DIAPH2: variants seen among roughly 807,000 people sequenced by gnomAD.
DIAPH2 encodes the protein diaphanous related formin 2.
A neutral mutation model predicts 92.7 loss-of-function variants in DIAPH2; 35 were observed. The observed-to-expected ratio is 0.38, with a 90% CI of 0.29 to 0.50. DIAPH2 has a LOEUF of 0.50. Ranked by LOEUF, DIAPH2 falls within the 20% of genes least tolerant of loss-of-function variation. The pLI is 0.94. For synonymous variants in DIAPH2, 301 were observed against 280.4 expected (o/e 1.07, Z -0.73); for missense variants, 701 against 819.5 (o/e 0.86, Z 1.77).
intron 19 of DIAPH2, among the ~76,000 whole-genome samples, chrX:97,095,113 T>C (rs1387364050): frequency 5.1e-5 from 3 of 59,303 alleles, no homozygotes; most frequent in Admixed American, 2.3e-4. Context: ...TTTTTTTTTT[T>C]TTTTTTTTTT....
chrX:97,291,418 T>C (rs1253765622), intron 23 of DIAPH2, among the ~76,000 whole-genome samples: 2 of 111,427 alleles, frequency 1.8e-5, no homozygotes, highest in African/African-American at 6.5e-5. Flanking sequence ...AAAAATAAAT[T>C]TTAAAAAGCT....
chrX:97,337,909 G>A lies in DIAPH2; in HGVS notation c.2845-10207G>A, dbSNP rs185840056. On this transcript the variant is annotated intron_variant, in intron 23 of 26. Transcript: ENST00000324765. Reference sequence around the variant, plus strand: ...TTTTTTTTGAAACTGAGTTTCGCTCGTTGCTCAGGCTGGAGTGCAGTGGTG... The same window carrying A: ...TTTTTTTTGAAACTGAGTTTCGCTCATTGCTCAGGCTGGAGTGCAGTGGTG... 4.1e-3 allele frequency among the ~76,000 whole-genome samples: 415 copies of A among 101,985 alleles called. 3 individuals carry two copies. Among genetic ancestry groups the A allele is most frequent in the African/African-American group, 0.013 (360 of 27,395 alleles). The allele number at this position is 101,985 out of a possible 115,157, so 88.6% of individuals were successfully genotyped here. A position where few individuals can be genotyped will look rare whatever the true frequency, so the allele number is the denominator to read the frequency against.
chrX:96,737,312 C>G (rs2064093947), intron 2 of DIAPH2, among the ~76,000 whole-genome samples: 3 of 112,079 alleles, frequency 2.7e-5, no homozygotes, highest in East Asian at 5.6e-4. Flanking sequence ...TCAAAGTATA[C>G]TTTTTGGTTT....
intron 23 of DIAPH2, among the ~76,000 whole-genome samples, chrX:97,324,804 C>CT (rs1231766979): frequency 1.6e-4 from 17 of 107,356 alleles, no homozygotes; most frequent in East Asian, 5.8e-4. Flanking sequence ...TTTTTCTTGT[C>CT]TTTTTTTTTT....
At chrX:97,596,672 T>A (rs1407979006) in intron 26 of DIAPH2, among the ~76,000 whole-genome samples, 1 of 111,755 alleles carries the variant, frequency 8.9e-6, no homozygotes, top group African/African-American at 3.3e-5. Context: ...CTGGCAGCAA[T>A]CATATCTAAC....
At position 97,095,098 on chromosome X, in the gene DIAPH2, C is replaced by CTTTTTTTTTTTT. The variant is rs61350837; in HGVS notation, c.2248-4571_2248-4560dup. Among the ~76,000 whole-genome samples, 17 of 22,414 alleles carry CTTTTTTTTTTTT rather than the reference C, an allele frequency of 7.6e-4. 6 individuals are homozygous for CTTTTTTTTTTTT. Among genetic ancestry groups the CTTTTTTTTTTTT allele is most frequent in the Non-Finnish European group, 1.2e-3 (13 of 11,110 alleles). 19.5% of individuals were successfully genotyped at this position (22,414 alleles called of 115,157 possible). On this transcript the variant is annotated intron_variant, in intron 19 of 26. Transcript: ENST00000324765. ...GACTTTTAGGGAAATGTTTCTTTTT[C>CTTTTTTTTTTTT]TTTTTTTTTTTTTTTTTTTTTTTTT...
At chrX:96,828,233 G>A (rs181460266) in intron 4 of DIAPH2, among the ~76,000 whole-genome samples, 15 of 111,718 alleles carry the variant, frequency 1.3e-4, no homozygotes, top group Admixed American at 1.1e-3. Flanking sequence ...GTGAAGCCTG[G>A]GACAGGGATG....
chrX:97,226,030 G>A (rs1269245670), intron 22 of DIAPH2, among the ~76,000 whole-genome samples: 1 of 111,627 alleles, frequency 9.0e-6, no homozygotes, highest in Non-Finnish European at 1.9e-5. Flanking sequence ...CAGATAAGAT[G>A]TACTTAGCAG....
intron 1 of DIAPH2, among the ~76,000 whole-genome samples, chrX:96,713,799 T>C (rs188907627): frequency 8.9e-6 from 1 of 111,991 alleles, no homozygotes; most frequent in Non-Finnish European, 1.9e-5. Flanking sequence ...TTCCACCATG[T>C]TTTTTTCATG....
intron 22 of DIAPH2, among the ~76,000 whole-genome samples, chrX:97,150,761 A>G (rs371496968): frequency 4.5e-5 from 5 of 112,163 alleles, no homozygotes; most frequent in Non-Finnish European, 9.4e-5. Flanking sequence ...GCATACTGGC[A>G]TGATGCTTTC....
At chrX:96,893,103 C>T (rs1379595462) in intron 5 of DIAPH2, among the ~76,000 whole-genome samples, 1 of 111,818 alleles carries the variant, frequency 8.9e-6, no homozygotes, top group African/African-American at 3.2e-5. Flanking sequence ...TGGGCACATA[C>T]TAGAGTTTTA....
Position 97,175,707 on chromosome X carries a change from CTGA to C in DIAPH2, c.2719+33918_2719+33920del, listed in dbSNP as rs767795914. On this transcript the variant is annotated intron_variant, in intron 22 of 26. Transcript: ENST00000324765. ...TCCCCCCAACCCTTGGTCATTTCTA[CTGA>C]TGATTTGCAGTAAAATAGCTGACAA... is the stretch of plus-strand genomic sequence containing the variant. 1.2e-4 allele frequency among the ~76,000 whole-genome samples: 13 copies of C among 112,123 alleles called. No individual in the cohort carries two copies. In the South Asian group the frequency reaches 4.5e-3, roughly 38 times the overall value.
intron 23 of DIAPH2, among the ~76,000 whole-genome samples, chrX:97,300,398 T>C (rs1413537043): frequency 2.7e-5 from 3 of 111,093 alleles, no homozygotes; most frequent in Non-Finnish European, 3.8e-5. Context: ...TATTTTGTTA[T>C]CAGTGAGGAA....
At chrX:97,223,213 A>G (rs1391527163) in intron 22 of DIAPH2, among the ~76,000 whole-genome samples, 1 of 111,316 alleles carries the variant, frequency 9.0e-6, no homozygotes, top group Non-Finnish European at 1.9e-5. Context: ...TTTTTTCATA[A>G]TGTTTATTTT....
At chrX:96,966,073 G>A (rs2065892027) in intron 17 of DIAPH2, among the ~76,000 whole-genome samples, 1 of 111,282 alleles carries the variant, frequency 9.0e-6, no homozygotes, top group Admixed American at 9.5e-5. Context: ...ATAAATTTTG[G>A]AAGATAGAGA....
chrX:97,045,984 G>A (rs1176895153), intron 17 of DIAPH2, among the ~76,000 whole-genome samples: 1 of 105,893 alleles, frequency 9.4e-6, no homozygotes, highest in African/African-American at 3.5e-5. Flanking sequence ...CTCCTAAGTA[G>A]CTGGGACTAC....
chrX:97,589,028 A>ATATATATATAT (rs1569430281), intron 26 of DIAPH2, among the ~76,000 whole-genome samples: 2 of 9,663 alleles, frequency 2.1e-4, no homozygotes, highest in Non-Finnish European at 4.9e-4. Flanking sequence ...TATATATATA[A>ATATATATATAT]AAGAATCAGA....
intron 1 of DIAPH2, among the ~76,000 whole-genome samples, chrX:96,697,212 T>C (rs998238116): frequency 9.1e-6 from 1 of 110,027 alleles, no homozygotes; most frequent in African/African-American, 3.3e-5. Flanking sequence ...CAGGGGATGC[T>C]CAGGGATTCA....
chrX:96,817,442 A>G (rs1443683104), intron 4 of DIAPH2, among the ~76,000 whole-genome samples: 2 of 111,880 alleles, frequency 1.8e-5, no homozygotes, highest in Non-Finnish European at 3.8e-5. Flanking sequence ...AATTATTGTG[A>G]GTTTCCAAAT....
Sources: gnomAD v4.1 joint callset for allele counts (sites outside exome capture counted in the v4.1 genomes callset) on GRCh38, gnomAD v4.1.1 for gene constraint, MANE v1.5 for transcripts, NCBI Gene and HGNC (gene_info 2026-07-23, HGNC 2026-07-21) for gene names.